CYB5B: variants seen among roughly 807,000 people sequenced by gnomAD.
CYB5B encodes cytochrome b5 type B.
In CYB5B, 14 loss-of-function variants were observed where a neutral mutation model predicts 21.3. The ratio of observed to expected loss-of-function variants is 0.66; its 90% CI spans 0.43 to 1.03. The LOEUF is 1.03. CYB5B is among the 50% of genes least tolerant of loss of function. The probability of loss-of-function intolerance (pLI) is 0.00; values close to 1 mark genes in which losing one functional copy is unlikely to be tolerated. For synonymous variants in CYB5B, 69 were observed against 68.4 expected, an observed-to-expected ratio of 1.01 and a Z score of -0.04; for missense variants, 166 against 185.1, an observed-to-expected ratio of 0.90 and a Z score of 0.60.
chr16:69,431,444 C>T (rs1272992698), intron 1 of CYB5B, among the ~76,000 whole-genome samples: 1 of 152,000 alleles, frequency 6.6e-6, no homozygotes, highest in Non-Finnish European at 1.5e-5. Context: ...AACATGGAAC[C>T]CCAGCCTGGG....
At chr16:69,455,443 T>G (rs2014974704) in intron 3 of CYB5B, among the ~76,000 whole-genome samples, 1 of 150,238 alleles carries the variant, frequency 6.7e-6, no homozygotes, top group Non-Finnish European at 1.5e-5. Context: ...AATCTCACTC[T>G]TGTCACCAGG....
Position 69,464,937 on chromosome 16 carries a change from A to G in CYB5B, c.*2417A>G, listed in dbSNP as rs1447479492. The stretch of plus-strand genomic sequence containing the variant: ...CATTTACTGTTATTTTGTTGCCTAC[A>G]AAAACAGCCAGGTGAAAGCTAAATC... On this transcript the variant is annotated 3_prime_UTR_variant, in exon 5 of 5. Coordinates refer to ENST00000307892, the MANE Select transcript of CYB5B (RefSeq NM_030579.3). The G allele has an allele frequency of 2.0e-5, 3 of 152,656 alleles. No homozygotes were observed. Among genetic ancestry groups the G allele is most frequent in the East Asian group, 3.8e-4 (2 of 5,200 alleles). 9.5% of individuals were successfully genotyped at this position (152,656 alleles called of 1,614,324 possible). A position where few individuals can be genotyped will look rare whatever the true frequency, so the allele number is the denominator to read the frequency against.
intron 1 of CYB5B, among the ~76,000 whole-genome samples, chr16:69,442,181 C>A (rs1178490292): frequency 6.6e-6 from 1 of 152,150 alleles, no homozygotes; most frequent in Non-Finnish European, 1.5e-5. Context: ...AGTCAGACTG[C>A]ATATAATAAT....
At chr16:69,459,594 A>G (rs12934124) in intron 4 of CYB5B, 53,555 of 153,146 alleles carry the variant, frequency 0.35, 10,523 homozygotes, top group Admixed American at 0.46. Context: ...TTTACAATAT[A>G]TTCCTTGGCA....
At chr16:69,445,198 T>C (rs913381966) in intron 1 of CYB5B, among the ~76,000 whole-genome samples, 13 of 152,224 alleles carry the variant, frequency 8.5e-5, no homozygotes, top group African/African-American at 3.1e-4. Flanking sequence ...GATGACTTAG[T>C]TCCACAACAA....
At chr16:69,452,569 A>T (rs527719340) in intron 3 of CYB5B, among the ~76,000 whole-genome samples, 1 of 152,066 alleles carries the variant, frequency 6.6e-6, no homozygotes, top group South Asian at 2.1e-4. Context: ...ACATGGGAGG[A>T]TGAGGCGGTA....
rs951085757 is a variant in CYB5B, at chr16:69,448,260, C to CA, written c.333+121dup. ...ACAAAGTATTTACTTTTTCCCCAAGCAAAAATCCTATTTTTCTGGAATTTG... is the reference window on the plus strand; with the variant it reads ...ACAAAGTATTTACTTTTTCCCCAAGCAAAAAATCCTATTTTTCTGGAATTTG... On this transcript the variant is annotated intron_variant, in intron 3 of 4. Transcript: ENST00000307892. The CA allele has an allele frequency of 1.2e-5, 15 of 1,239,206 alleles. No homozygotes were observed. In the Admixed American group the frequency reaches 2.8e-4, roughly 23 times the overall value. 76.8% of individuals were successfully genotyped at this position (1,239,206 alleles called of 1,614,324 possible).
At chr16:69,447,127 C>G in intron 1 of CYB5B, 23 bp from the exon 2 acceptor site, 2 of 1,610,948 alleles carry the variant, frequency 1.2e-6, no homozygotes, top group Non-Finnish European at 1.7e-6. Context: ...ACCCTCGGTT[C>G]AGTAAATATC....
In CYB5B at chr16:69,462,505, A is replaced by G. The variant is rs745781758; in HGVS notation, c.438A>G (p.Glu146=). Residue 146 remains glutamate (E), a synonymous_variant, in exon 5 of 5, where the codon GAA becomes GAG. Transcript: ENST00000307892. ...LGFLYRYYTS[E]SKSS ...TCCTGTACCGCTACTACACATCGGA[A>G]AGCAAATCCTCCTGAGGAGGCCTTG... 6.2e-7 allele frequency: 1 copy of G among 1,614,056 alleles called. No individual in the cohort carries two copies. The highest frequency in any genetic ancestry group is 8.5e-7 in the Non-Finnish European group (1 of 1,179,974).
chr16:69,450,995 ATAAT>A (rs1021543636), intron 3 of CYB5B, among the ~76,000 whole-genome samples: 1 of 152,222 alleles, frequency 6.6e-6, no homozygotes, highest in African/African-American at 2.4e-5. Context: ...ACACAGGTAA[ATAAT>A]TAATGGTCAC....
chr16:69,441,322 T>C (rs2014821163), intron 1 of CYB5B, among the ~76,000 whole-genome samples: 1 of 152,040 alleles, frequency 6.6e-6, no homozygotes, highest in Non-Finnish European at 1.5e-5. Flanking sequence ...ATCCAGCTAA[T>C]TTTTTGTATT....
intron 1 of CYB5B, among the ~76,000 whole-genome samples, chr16:69,445,977 C>T (rs1428643099): frequency 1.3e-5 from 2 of 151,964 alleles, no homozygotes; most frequent in African/African-American, 2.4e-5. Flanking sequence ...AATTTTTTTT[C>T]AGAAGAGTAT....
At chr16:69,436,915 GTAT>G (rs2014765854) in intron 1 of CYB5B, among the ~76,000 whole-genome samples, 1 of 152,148 alleles carries the variant, frequency 6.6e-6, no homozygotes, top group South Asian at 2.1e-4. Context: ...TAATCTGGAA[GTAT>G]TATTTTCCAT....
At chr16:69,439,748 G>A (rs1191158596) in intron 1 of CYB5B, among the ~76,000 whole-genome samples, 3 of 151,508 alleles carry the variant, frequency 2.0e-5, no homozygotes, top group African/African-American at 7.3e-5. Flanking sequence ...TGTATTTTCA[G>A]TAGAGATAAA....
chr16:69,455,166 T>G (rs866595736), intron 3 of CYB5B, among the ~76,000 whole-genome samples: 7 of 152,244 alleles, frequency 4.6e-5, no homozygotes, highest in South Asian at 4.1e-4. Flanking sequence ...AGTGCTGGGA[T>G]TATAGGCATG....
chr16:69,425,244 T>C (rs530834234), intron 1 of CYB5B, among the ~76,000 whole-genome samples: 1 of 152,348 alleles, frequency 6.6e-6, no homozygotes, highest in East Asian at 1.9e-4. Flanking sequence ...CACCCACATC[T>C]GTGCTTTTCC....
rs200021866 is a variant in CYB5B, at chr16:69,461,197, C to T, written c.363-1233C>T. The stretch of plus-strand genomic sequence containing the variant: ...TCCGGCCTGGGTGACAATGAGACTC[C>T]GTCTCAAAAAAAAAAAAAAGAAAGA... On this transcript the variant is annotated intron_variant, in intron 4 of 4. Transcript: ENST00000307892. Among the ~76,000 whole-genome samples the T allele has an allele frequency of 2.0e-3, 280 of 141,154 alleles. 6 individuals carry two copies. Among genetic ancestry groups the T allele is most frequent in the Admixed American group, 0.014 (206 of 14,260 alleles). 92.6% of individuals were successfully genotyped at this position (141,154 alleles called of 152,430 possible).
chr16:69,458,538 C>T (rs1567476007), intron 3 of CYB5B, among the ~76,000 whole-genome samples: 1 of 152,044 alleles, frequency 6.6e-6, no homozygotes, highest in Non-Finnish European at 1.5e-5. Flanking sequence ...CCCTTGACTC[C>T]ATTTTTTCTC....
At chr16:69,452,845 A>G (rs1214562993) in intron 3 of CYB5B, among the ~76,000 whole-genome samples, 1 of 151,972 alleles carries the variant, frequency 6.6e-6, no homozygotes, top group African/African-American at 2.4e-5. Flanking sequence ...CTAAAAATAC[A>G]AAAATTAGCT....
Sources: gnomAD v4.1 joint callset for allele counts (sites outside exome capture counted in the v4.1 genomes callset) on GRCh38, gnomAD v4.1.1 for gene constraint, MANE v1.5 for transcripts, NCBI Gene and HGNC (gene_info 2026-07-23, HGNC 2026-07-21) for gene names.